Variants in MAP4K5 observed in about 807,000 individuals in gnomAD.
The protein encoded by MAP4K5 is MAPK/ERK kinase kinase kinase 5.
A neutral mutation model predicts 135.6 loss-of-function variants in MAP4K5; 82 were observed. The ratio of observed to expected loss-of-function variants is 0.60; its 90% CI spans 0.51 to 0.73. The LOEUF (loss-of-function observed/expected upper bound fraction) is 0.73. MAP4K5 is among the 30% of genes least tolerant of loss of function. The probability of loss-of-function intolerance (pLI) is 0.00; values close to 1 mark genes in which losing one functional copy is unlikely to be tolerated. For synonymous variants in MAP4K5, 347 were observed against 335.0 expected (o/e 1.04, Z -0.39); for missense variants, 907 against 1,010.9 (o/e 0.90, Z 1.39).
intron 2 of MAP4K5, among the ~76,000 whole-genome samples, chr14:50,520,934 A>G (rs2038137948): frequency 6.8e-6 from 1 of 148,094 alleles, no homozygotes; most frequent in Non-Finnish European, 1.5e-5. Flanking sequence ...TGATTCTCCC[A>G]CTTCCAGCCT....
intron 18 of MAP4K5, among the ~76,000 whole-genome samples, chr14:50,444,305 T>C (rs1480850346): frequency 6.6e-6 from 1 of 152,242 alleles, no homozygotes; most frequent in Non-Finnish European, 1.5e-5. Flanking sequence ...AGGCTTTTTA[T>C]AATTGAACTT....
intron 1 of MAP4K5, among the ~76,000 whole-genome samples, chr14:50,546,956 T>C (rs1322504688): frequency 6.6e-6 from 1 of 152,130 alleles, no homozygotes; most frequent in Non-Finnish European, 1.5e-5. Flanking sequence ...TCATCTACAT[T>C]AGGTATTTCT....
chr14:50,545,053 G>A (rs2038613838), intron 1 of MAP4K5, among the ~76,000 whole-genome samples: 1 of 152,008 alleles, frequency 6.6e-6, no homozygotes, highest in Non-Finnish European at 1.5e-5. Context: ...TGTGAGCCAA[G>A]GCCATGATGT....
intron 3 of MAP4K5, among the ~76,000 whole-genome samples, chr14:50,490,262 G>A (rs1376116143): frequency 3.3e-5 from 5 of 151,948 alleles, no homozygotes; most frequent in Non-Finnish European, 5.9e-5. Flanking sequence ...TTCTGTATCT[G>A]AGACAGTAGA....
rs543292269 is a variant in MAP4K5, at chr14:50,455,500, C to T, written c.1015+1016G>A. Among the ~76,000 whole-genome samples the T allele has an allele frequency of 3.7e-4, 57 of 152,130 alleles. No individual in the cohort carries two copies. In the South Asian group the frequency reaches 0.011, roughly 30 times the overall value. The stretch of plus-strand genomic sequence containing the variant: ...AGGAGAGAACAGCATAAGAAGATAT[C>T]ATCAATCTAGGCACTAACAAAGACA... On this transcript the variant is annotated intron_variant, in intron 14 of 32. Coordinates refer to ENST00000682126, the MANE Select transcript of MAP4K5 (RefSeq NM_006575.6).
chr14:50,437,808 G>GT (rs1434919290), intron 25 of MAP4K5, 86 bp downstream of exon 25: 4 of 915,978 alleles, frequency 4.4e-6, no homozygotes, highest in Admixed American at 2.2e-5. Context: ...TTAAGACATA[G>GT]TTTTTTACTG....
chr14:50,421,816 C>T (rs913409598), intron 32 of MAP4K5, among the ~76,000 whole-genome samples: 13 of 151,968 alleles, frequency 8.6e-5, no homozygotes, highest in Admixed American at 3.3e-4. Context: ...GATGCCAACC[C>T]TCTACCAAGC....
chr14:50,522,443 A>AG (rs763931993), intron 2 of MAP4K5, among the ~76,000 whole-genome samples: 8 of 152,226 alleles, frequency 5.3e-5, no homozygotes, highest in African/African-American at 7.2e-5. Context: ...TCACAAAATA[A>AG]GCCTACCTCT....
intron 10 of MAP4K5, 66 bp downstream of exon 10, chr14:50,468,585 T>A: frequency 6.8e-7 from 1 of 1,468,062 alleles, no homozygotes; most frequent in Non-Finnish European, 9.4e-7. Flanking sequence ...TGATGCTGAG[T>A]TATCAGCATT....
Position 50,419,821 on chromosome 14 carries a change from C to T in MAP4K5, c.*198G>A, listed in dbSNP as rs1170181325. 1.9e-6 allele frequency: 1 copy of T among 518,800 alleles called. No homozygotes were observed. Among genetic ancestry groups the T allele is most frequent in the Non-Finnish European group, 3.5e-6 (1 of 289,552 alleles). The allele number at this position is 518,800 out of a possible 1,614,324, so 32.1% of individuals were successfully genotyped here. A position where few individuals can be genotyped will look rare whatever the true frequency, so the allele number is the denominator to read the frequency against. ...CTTTTATTAAGCAAACTTGATATAA[C>T]CACCACACAGTGGCAAGAGATAGAC... is the stretch of plus-strand genomic sequence containing the variant. On this transcript the variant is annotated 3_prime_UTR_variant, in exon 33 of 33. Coordinates refer to ENST00000682126, the MANE Select transcript of MAP4K5 (RefSeq NM_006575.6).
chr14:50,528,723 C>T (rs567671692), intron 2 of MAP4K5, among the ~76,000 whole-genome samples: 1 of 152,214 alleles, frequency 6.6e-6, no homozygotes, highest in Non-Finnish European at 1.5e-5. Context: ...CTCAAAAACA[C>T]AGGGGGATAT....
chr14:50,498,332 G>C, intron 3 of MAP4K5, among the ~76,000 whole-genome samples: 1 of 152,174 alleles, frequency 6.6e-6, no homozygotes, highest in South Asian at 2.1e-4. Context: ...CCATTTGTAA[G>C]GTGGTGACTT....
intron 28 of MAP4K5, among the ~76,000 whole-genome samples, chr14:50,432,833 ATTTC>A (rs2036003808): frequency 6.6e-6 from 1 of 151,884 alleles, no homozygotes; most frequent in Non-Finnish European, 1.5e-5. Context: ...ACAGGGAAAT[ATTTC>A]TTTCTTTCTT....
chr14:50,560,711 C>T (rs1439959379), intron 1 of MAP4K5, among the ~76,000 whole-genome samples: 1 of 152,174 alleles, frequency 6.6e-6, no homozygotes, highest in Non-Finnish European at 1.5e-5. Flanking sequence ...GGATCTAGAG[C>T]AGGCCAAGCC....
intron 14 of MAP4K5, among the ~76,000 whole-genome samples, chr14:50,451,266 A>G (rs570845072): frequency 1.3e-4 from 20 of 152,268 alleles, no homozygotes; most frequent in African/African-American, 4.3e-4. Context: ...AAGAAAAAAA[A>G]AAACTTACGT....
intron 2 of MAP4K5, chr14:50,542,429 C>G (rs1055174590): frequency 3.3e-5 from 5 of 151,998 alleles, no homozygotes; most frequent in African/African-American, 1.2e-4. Context: ...CCTGCACATT[C>G]TGTACAGGTA....
intron 2 of MAP4K5, among the ~76,000 whole-genome samples, chr14:50,523,381 T>C (rs1595546392): frequency 6.6e-6 from 1 of 152,116 alleles, no homozygotes; most frequent in South Asian, 2.1e-4. Flanking sequence ...TAAGGCATGG[T>C]GATGGCCATG....
chr14:50,426,450 C>T (rs369182415), intron 30 of MAP4K5, among the ~76,000 whole-genome samples: 49 of 152,190 alleles, frequency 3.2e-4, no homozygotes, highest in African/African-American at 1.0e-3. Flanking sequence ...CCTGGCCGGG[C>T]GCAGTGGCTC....
At chr14:50,502,510 T>A (rs1057322100) in intron 3 of MAP4K5, among the ~76,000 whole-genome samples, 7 of 152,032 alleles carry the variant, frequency 4.6e-5, no homozygotes, top group African/African-American at 7.2e-5. Flanking sequence ...TGGCAAAAAC[T>A]TTCCTAAAGA....
Sources: gnomAD v4.1 joint callset for allele counts (sites outside exome capture counted in the v4.1 genomes callset) on GRCh38, gnomAD v4.1.1 for gene constraint, MANE v1.5 for transcripts, NCBI Gene and HGNC (gene_info 2026-07-23, HGNC 2026-07-21) for gene names.